SH3PXD2B: variants seen among roughly 807,000 people sequenced by gnomAD.
The protein encoded by SH3PXD2B is SH3 and PX domains 2B, also known as SH3 and PX domain-containing protein 2B.
Under a neutral mutation model 73.1 loss-of-function variants are expected in SH3PXD2B, and 37 were observed. The ratio of observed to expected loss-of-function variants is 0.51; its 90% CI spans 0.39 to 0.67. The LOEUF is 0.67. Ranked by LOEUF, SH3PXD2B falls within the 30% of genes least tolerant of loss-of-function variation. The pLI, the probability that SH3PXD2B is intolerant of heterozygous loss-of-function variation, is 0.00. For missense variants in SH3PXD2B, 1,053 were observed against 1,197.8 expected, an observed-to-expected ratio of 0.88 and a Z score of 1.78; for synonymous variants, 457 against 480.5, an observed-to-expected ratio of 0.95 and a Z score of 0.64.
chr5:172,426,681 G>A (rs927122598), intron 1 of SH3PXD2B, among the ~76,000 whole-genome samples: 9 of 152,182 alleles, frequency 5.9e-5, no homozygotes, highest in African/African-American at 9.7e-5. Flanking sequence ...GGCACAAGAC[G>A]GATGAGAACC....
At chr5:172,371,423 A>C (rs1382324595) in intron 6 of SH3PXD2B, among the ~76,000 whole-genome samples, 3 of 152,236 alleles carry the variant, frequency 2.0e-5, no homozygotes, top group Non-Finnish European at 4.4e-5. Flanking sequence ...CGCCAGAGGC[A>C]GATAAGCCTT....
chr5:172,372,862 T>A (rs1757737139), intron 6 of SH3PXD2B, among the ~76,000 whole-genome samples: 2 of 152,220 alleles, frequency 1.3e-5, no homozygotes, highest in African/African-American at 4.8e-5. Context: ...ATTCTGGAAG[T>A]TCCGAAGTCC....
chr5:172,444,909 T>C (rs1343866067), intron 1 of SH3PXD2B, among the ~76,000 whole-genome samples: 1 of 152,218 alleles, frequency 6.6e-6, no homozygotes, highest in Non-Finnish European at 1.5e-5. Flanking sequence ...CCTTCTCTCC[T>C]GTGGTTCTCA....
chr5:172,350,311 A>G, intron 10 of SH3PXD2B, 52 bp downstream of exon 10: 1 of 1,578,026 alleles, frequency 6.3e-7, no homozygotes, highest in Non-Finnish European at 8.7e-7. Flanking sequence ...TTGAGCACAG[A>G]GCTGGCACAC....
intron 1 of SH3PXD2B, among the ~76,000 whole-genome samples, chr5:172,434,760 T>C (rs1186084970): frequency 1.3e-5 from 2 of 148,244 alleles, no homozygotes; most frequent in Non-Finnish European, 2.9e-5. Context: ...TACATTTTGG[T>C]CCTGGGATGC....
chr5:172,348,205 C>T (rs1317002750), intron 10 of SH3PXD2B, among the ~76,000 whole-genome samples: 2 of 152,154 alleles, frequency 1.3e-5, no homozygotes, highest in Non-Finnish European at 2.9e-5. Flanking sequence ...TGCCACGTGA[C>T]TCAGTTCTGG....
rs1447048632 is a variant in SH3PXD2B, at chr5:172,339,729, GTGT to G, written c.1373_1375del (p.Asn458del). 3 of 1,614,094 alleles carry G rather than the reference GTGT, an allele frequency of 1.9e-6. No homozygotes were observed. The highest frequency in any genetic ancestry group is 4.5e-5 in the East Asian group (2 of 44,888). ...GGAGGGGCCCGTGGCTTCGCTGCCC[GTGT>G]TGTTCTCCAGCGCTGCTGCTTCCCC... On this transcript the variant is annotated inframe_deletion, in exon 13 of 13. Transcript: ENST00000311601. The surrounding 1 kb of genome is among the most constrained non-coding windows in gnomAD (Gnocchi z 6.1).
In SH3PXD2B at chr5:172,375,781, C is replaced by T. The variant is rs548829106; in HGVS notation, c.402-1966G>A. Among the ~76,000 whole-genome samples the T allele has an allele frequency of 2.0e-5, 3 of 152,304 alleles. No homozygotes were observed. In the South Asian group the frequency reaches 6.2e-4, roughly 32 times the overall value. On this transcript the variant is annotated intron_variant, in intron 5 of 12. Coordinates refer to ENST00000311601, the MANE Select transcript of SH3PXD2B (RefSeq NM_001017995.3). ...TTGCTTGACATTTGGGTTGTTTCCA[C>T]TCTTTGGCTATTTTGAATAATGTTT...
At chr5:172,328,231 G>A (rs1444847427) in intron 12 of SH3PXD2B, among the ~76,000 whole-genome samples, 1 of 150,702 alleles carries the variant, frequency 6.6e-6, no homozygotes, top group African/African-American at 2.4e-5. Flanking sequence ...TCAGCCTCCC[G>A]AGTAGCTGGG....
At chr5:172,413,028 G>A (rs1758737150) in intron 2 of SH3PXD2B, among the ~76,000 whole-genome samples, 1 of 152,222 alleles carries the variant, frequency 6.6e-6, no homozygotes, top group Admixed American at 6.5e-5. Flanking sequence ...CAAAGAACAC[G>A]CCATGGAAGC....
intron 7 of SH3PXD2B, 24 bp from the exon 8 acceptor site, chr5:172,358,901 G>A (rs571098951): frequency 3.1e-6 from 5 of 1,606,208 alleles, no homozygotes; most frequent in Admixed American, 1.7e-5. Context: ...AGTGCAGAAT[G>A]ATGTTAGTTG....
chr5:172,338,168 T>C lies in SH3PXD2B; in HGVS notation c.*201A>G. ...GCTGTGGGTTCTGAGCCTCCAGTGA[T>C]GCTGTGATAGGAGGGATCAGGCCCA... On this transcript the variant is annotated 3_prime_UTR_variant, in exon 13 of 13. Coordinates refer to ENST00000311601, the MANE Select transcript of SH3PXD2B (RefSeq NM_001017995.3). The surrounding 1 kb of genome is among the most constrained non-coding windows in gnomAD (Gnocchi z 5.1). 1.4e-6 allele frequency: 2 copies of C among 1,458,062 alleles called. No homozygotes were observed. Among genetic ancestry groups the C allele is most frequent in the Non-Finnish European group, 1.8e-6 (2 of 1,110,248 alleles). The allele number at this position is 1,458,062 out of a possible 1,614,324, so 90.3% of individuals were successfully genotyped here.
At position 172,394,720 on chromosome 5, in the gene SH3PXD2B, G is replaced by A. The variant is rs544002180; in HGVS notation, c.233-81C>T. On this transcript the variant is annotated intron_variant, in intron 3 of 12. Coordinates refer to ENST00000311601, the MANE Select transcript of SH3PXD2B (RefSeq NM_001017995.3). Reference sequence around the variant, plus strand: ...CAACCTGAGAGGGTGTGGACATGGCGGTTCCTAGGGTAGGTCTGAGTGGTG... The same window carrying A: ...CAACCTGAGAGGGTGTGGACATGGCAGTTCCTAGGGTAGGTCTGAGTGGTG... The A allele has an allele frequency of 5.2e-5, 77 of 1,468,466 alleles. No individual in the cohort carries two copies. In the Admixed American group the frequency reaches 8.2e-4, roughly 16 times the overall value. The allele number at this position is 1,468,466 out of a possible 1,614,324, so 91.0% of individuals were successfully genotyped here.
At chr5:172,331,679 C>T (rs544523224), downstream of SH3PXD2B, among the ~76,000 whole-genome samples, 3 of 152,258 alleles carry the variant, frequency 2.0e-5, no homozygotes, top group Non-Finnish European at 2.9e-5. Flanking sequence ...GGGCTGGGCA[C>T]GGTGGCTCAT....
intron 5 of SH3PXD2B, among the ~76,000 whole-genome samples, chr5:172,378,710 C>G (rs1429740656): frequency 6.6e-6 from 1 of 152,116 alleles, no homozygotes; most frequent in East Asian, 1.9e-4. Context: ...GTCATCAGGC[C>G]CATCTTACAT....
rs555294685 is a variant in SH3PXD2B, at chr5:172,447,909, G to A, written c.75+6369C>T. On this transcript the variant is annotated intron_variant, in intron 1 of 12. Transcript: ENST00000311601. ...GGGTGGGGTGGGGGATGGGATGGGG[G>A]AGCATGGTTGACCAGGTCCCTAGCA... Among the ~76,000 whole-genome samples the A allele has an allele frequency of 1.7e-4, 26 of 152,260 alleles. 1 individual carries two copies. The highest frequency in any genetic ancestry group is 1.3e-3 in the Admixed American group (20 of 15,298).
Position 172,334,301 on chromosome 5 carries a change from T to G in SH3PXD2B, c.*4068A>C. Reference sequence around the variant, plus strand: ...ACTGTGGAGCCTCCGGTTCCAGCTCTGCAGCTCTGCCTGGGACCCTCGTGG... The same window carrying G: ...ACTGTGGAGCCTCCGGTTCCAGCTCGGCAGCTCTGCCTGGGACCCTCGTGG... On this transcript the variant is annotated 3_prime_UTR_variant, in exon 13 of 13. Transcript: ENST00000311601. 4 of 999,420 alleles carry G rather than the reference T, an allele frequency of 4.0e-6. No homozygotes were observed. Among genetic ancestry groups the G allele is most frequent in the Non-Finnish European group, 4.8e-6 (4 of 840,550 alleles). The allele number at this position is 999,420 out of a possible 1,614,324, so 61.9% of individuals were successfully genotyped here. A position where few individuals can be genotyped will look rare whatever the true frequency, so the allele number is the denominator to read the frequency against.
In SH3PXD2B at chr5:172,346,150, C is replaced by G. The variant is rs760096210; in HGVS notation, c.1174G>C (p.Gly392Arg). 1 of 1,614,168 alleles carries G rather than the reference C, an allele frequency of 6.2e-7. No homozygotes were observed. The highest frequency in any genetic ancestry group is 1.1e-5 in the South Asian group (1 of 91,082). The change falls in exon 12 of 13, where the codon GGC becomes CGC. Residue 392 changes from glycine (G) to arginine (R), a missense_variant. By Grantham distance (125) the Gly-to-Arg change is moderately radical. Around this residue, in one of 2 missense-constraint regions of SH3PXD2B, gnomAD observed 466 missense variants for 607.1 expected, o/e 0.77. Transcript: ENST00000311601. ...TIPDGISFQA[G>R]LKVEVIEKNL... The stretch of plus-strand genomic sequence containing the variant: ...GGGCCACTCACCTCGACCTTCAGGC[C>G]TGCCTGGAAGCTGATGCCGTCTGGG...
chr5:172,436,314 T>G (rs1447388580), intron 1 of SH3PXD2B, among the ~76,000 whole-genome samples: 1 of 152,210 alleles, frequency 6.6e-6, no homozygotes, highest in African/African-American at 2.4e-5. Flanking sequence ...GTGCCACTTT[T>G]GGCTCTTCTG....
Sources: gnomAD v4.1 joint callset for allele counts (sites outside exome capture counted in the v4.1 genomes callset) on GRCh38, gnomAD v4.1.1 for gene constraint, gnomAD v4.1.1 regional missense constraint, Gnocchi (gnomAD v3.1) non-coding constraint, MANE v1.5 for transcripts, NCBI Gene and HGNC (gene_info 2026-07-23, HGNC 2026-07-21) for gene names.